The following TMEM117 variants were observed in gnomAD, a reference collection of about 807,000 sequenced individuals.
TMEM117 encodes the protein transmembrane protein 117.
In TMEM117, 27 loss-of-function variants were observed where a neutral mutation model predicts 52.4. The ratio of observed to expected loss-of-function variants is 0.51; its 90% CI spans 0.38 to 0.71. The LOEUF (loss-of-function observed/expected upper bound fraction) is 0.71. TMEM117 is among the 30% of genes least tolerant of loss of function. The pLI is 0.00. For missense variants in TMEM117, 556 were observed against 630.5 expected (o/e 0.88, Z 1.26); for synonymous variants, 215 against 206.3 (o/e 1.04, Z -0.36).
chr12:44,300,999 A>G (rs948526777), intron 6 of TMEM117, among the ~76,000 whole-genome samples: 8 of 152,116 alleles, frequency 5.3e-5, no homozygotes, highest in Non-Finnish European at 1.2e-4. Context: ...ATCTTCCTCT[A>G]TTTCCTAACT....
the TMEM117 span, among the ~76,000 whole-genome samples, chr12:43,826,078 T>A: frequency 6.6e-6 from 1 of 152,248 alleles, no homozygotes; most frequent in African/African-American, 2.4e-5. Context: ...CAAAGGTATA[T>A]TTCTCTTGCC....
the TMEM117 span, among the ~76,000 whole-genome samples, chr12:43,813,407 C>G: frequency 2.0e-5 from 3 of 151,710 alleles, no homozygotes; most frequent in Non-Finnish European, 4.4e-5. Flanking sequence ...CCATGCCTGA[C>G]TAATTTTTGT....
chr12:44,045,552 G>A (rs1288555552), intron 3 of TMEM117, among the ~76,000 whole-genome samples: 1 of 152,188 alleles, frequency 6.6e-6, no homozygotes, highest in East Asian at 1.9e-4. Flanking sequence ...GGCTAAAGAA[G>A]TGCAGCAGTG....
intron 6 of TMEM117, among the ~76,000 whole-genome samples, chr12:44,372,359 CA>C (rs1322669681): frequency 6.6e-6 from 1 of 152,064 alleles, no homozygotes; most frequent in African/African-American, 2.4e-5. Flanking sequence ...GAAAGAAAGC[CA>C]TGACTCTCAT....
intron 1 of TMEM117, among the ~76,000 whole-genome samples, chr12:43,839,454 G>A (rs1943084293): frequency 6.6e-6 from 1 of 152,018 alleles, no homozygotes; most frequent in Admixed American, 6.6e-5. Context: ...TGCTCTAAAT[G>A]TGCACCCAAC....
chr12:44,117,519 T>G (rs1948165330), intron 3 of TMEM117, among the ~76,000 whole-genome samples: 1 of 152,162 alleles, frequency 6.6e-6, no homozygotes. Context: ...GGACATGCCC[T>G]TGGCACAGTT....
intron 2 of TMEM117, among the ~76,000 whole-genome samples, chr12:43,859,449 G>A (rs73096965): frequency 0.037 from 5,567 of 152,202 alleles, 124 homozygotes; most frequent in Non-Finnish European, 0.041. Flanking sequence ...AGGAAGCCAT[G>A]GAGCATATCT....
rs1952131908 is a variant in TMEM117, at chr12:44,388,745, T to C, written c.*73T>C. 4 of 1,525,978 alleles carry C rather than the reference T, an allele frequency of 2.6e-6. No homozygotes were observed. In the East Asian group the frequency reaches 9.1e-5, roughly 35 times the overall value. The allele number at this position is 1,525,978 out of a possible 1,614,324, so 94.5% of individuals were successfully genotyped here. A position where few individuals can be genotyped will look rare whatever the true frequency, so the allele number is the denominator to read the frequency against. On this transcript the variant is annotated 3_prime_UTR_variant, in exon 8 of 8. Coordinates refer to ENST00000266534, the MANE Select transcript of TMEM117 (RefSeq NM_032256.3). Reference sequence around the variant, plus strand: ...ACTTTAAAAATTTAGTCTTTCCTTTTGTATATGTAAGGTTTACGTAGTGTT... The same window carrying C: ...ACTTTAAAAATTTAGTCTTTCCTTTCGTATATGTAAGGTTTACGTAGTGTT...
chr12:44,286,567 C>A (rs1344658844), intron 5 of TMEM117, among the ~76,000 whole-genome samples: 1 of 151,984 alleles, frequency 6.6e-6, no homozygotes, highest in African/African-American at 2.4e-5. Context: ...TTCAGGCTGA[C>A]TACTCAAGAA....
intron 3 of TMEM117, among the ~76,000 whole-genome samples, chr12:44,056,925 A>C (rs540032605): frequency 1.3e-5 from 2 of 152,288 alleles, no homozygotes; most frequent in East Asian, 3.9e-4. Context: ...GTGAGCAGGC[A>C]CCCACCTATA....
intron 6 of TMEM117, among the ~76,000 whole-genome samples, chr12:44,375,507 C>T (rs1377242232): frequency 6.6e-6 from 1 of 152,134 alleles, no homozygotes; most frequent in Non-Finnish European, 1.5e-5. Context: ...GAGCTCCCAA[C>T]AGAGAGGACA....
chr12:43,925,443 G>A (rs1944763652), intron 2 of TMEM117, among the ~76,000 whole-genome samples: 2 of 151,920 alleles, frequency 1.3e-5, no homozygotes, highest in Admixed American at 1.3e-4. Flanking sequence ...ATCTCTGAGT[G>A]TATCATATGG....
chr12:43,957,567 A>G (rs1419451869), intron 3 of TMEM117, among the ~76,000 whole-genome samples: 1 of 152,190 alleles, frequency 6.6e-6, no homozygotes, highest in African/African-American at 2.4e-5. Context: ...CTTTTCAACT[A>G]TGTACCCTGA....
intron 4 of TMEM117, among the ~76,000 whole-genome samples, chr12:44,182,116 A>G (rs1949209278): frequency 6.6e-6 from 1 of 152,126 alleles, no homozygotes; most frequent in Admixed American, 6.5e-5. Flanking sequence ...CTTGGAAGCA[A>G]TTGTGAATGG....
chr12:44,026,507 ACCTTC>A (rs1946535370), intron 3 of TMEM117, among the ~76,000 whole-genome samples: 2 of 151,284 alleles, frequency 1.3e-5, no homozygotes, highest in Non-Finnish European at 3.0e-5. Context: ...TCCCATTAAA[ACCTTC>A]CCAGTCCCAT....
At chr12:43,850,575 A>G (rs1205303467) in intron 2 of TMEM117, among the ~76,000 whole-genome samples, 1 of 151,894 alleles carries the variant, frequency 6.6e-6, no homozygotes, top group Non-Finnish European at 1.5e-5. Context: ...ATTTTCCTTC[A>G]AATCTCAGTT....
At chr12:44,031,321 T>A (rs949114140) in intron 3 of TMEM117, among the ~76,000 whole-genome samples, 3 of 152,154 alleles carry the variant, frequency 2.0e-5, no homozygotes, top group Non-Finnish European at 4.4e-5. Context: ...AATTTGTCAA[T>A]TGTGTTTTTG....
intron 3 of TMEM117, among the ~76,000 whole-genome samples, chr12:43,962,934 T>TAAA (rs748027479): frequency 1.4e-5 from 2 of 142,786 alleles, no homozygotes; most frequent in Non-Finnish European, 3.1e-5. Context: ...AGACTCCGTT[T>TAAA]AAAAAAAAAA....
At chr12:44,342,479 T>G (rs1378497505) in intron 6 of TMEM117, among the ~76,000 whole-genome samples, 1 of 152,084 alleles carries the variant, frequency 6.6e-6, no homozygotes, top group African/African-American at 2.4e-5. Flanking sequence ...CTGGCAAGAT[T>G]GCTGGCCTCT....
Sources: allele counts gnomAD v4.1 joint callset (sites outside exome capture counted in the v4.1 genomes callset), GRCh38; gene constraint gnomAD v4.1.1; transcripts MANE v1.5; gene names NCBI Gene and HGNC (gene_info 2026-07-23, HGNC 2026-07-21).